The following GRHL1 variants were observed in gnomAD, a reference collection of about 807,000 sequenced individuals.
The protein encoded by GRHL1 is grainyhead like transcription factor 1, also known as grainyhead-like protein 1 homolog.
Under a neutral mutation model 75.7 loss-of-function variants are expected in GRHL1, and 38 were observed. The ratio of observed to expected loss-of-function variants is 0.50; its 90% CI spans 0.39 to 0.66. The LOEUF (loss-of-function observed/expected upper bound fraction) is 0.66, where lower values mean the gene tolerates loss of function less well. Ranked by LOEUF, GRHL1 falls within the 30% of genes least tolerant of loss-of-function variation. The pLI is 0.00. For synonymous variants in GRHL1, 266 were observed against 279.4 expected (o/e 0.95, Z 0.48); for missense variants, 589 against 767.5 (o/e 0.77, Z 2.75).
At chr2:9,970,852 T>C (rs1226218812) in intron 8 of GRHL1, among the ~76,000 whole-genome samples, 24 of 152,240 alleles carry the variant, frequency 1.6e-4, no homozygotes, top group Admixed American at 1.6e-3. Flanking sequence ...AGGCTCATGT[T>C]ACAAAGGAAA....
intron 1 of GRHL1, among the ~76,000 whole-genome samples, chr2:9,953,306 T>C (rs1371644991): frequency 6.6e-6 from 1 of 152,256 alleles, no homozygotes; most frequent in African/African-American, 2.4e-5. Flanking sequence ...TGGAAGTAGC[T>C]ATTACGCTAT....
intron 8 of GRHL1, among the ~76,000 whole-genome samples, chr2:9,973,914 A>G (rs539725795): frequency 1.3e-5 from 2 of 152,340 alleles, no homozygotes; most frequent in African/African-American, 4.8e-5. Flanking sequence ...GACTTATGTG[A>G]AGTCAAACAG....
Position 9,993,254 on chromosome 2 carries a change from ATGTTTTGTTT to A in GRHL1, c.1499+22_1499+31del, listed in dbSNP as rs745630784. The A allele has an allele frequency of 4.7e-5, 76 of 1,606,260 alleles. No individual in the cohort carries two copies. Among genetic ancestry groups the A allele is most frequent in the African/African-American group, 8.0e-5 (6 of 74,760 alleles). ...AATTGGAGGGTGAAGGGTAAGATTT[ATGTTTTGTTT>A]TGTTTTGTTTTAATAATGGAAATGA... On this transcript the variant is annotated intron_variant, in intron 12 of 15. Transcript: ENST00000324907.
intron 8 of GRHL1, among the ~76,000 whole-genome samples, chr2:9,978,239 A>G (rs1668035790): frequency 6.6e-6 from 1 of 152,204 alleles, no homozygotes; most frequent in Admixed American, 6.5e-5. Flanking sequence ...TACTTAGTCC[A>G]ACTTGGTAAG....
chr2:9,953,630 T>C (rs1431463309), intron 1 of GRHL1, among the ~76,000 whole-genome samples: 2 of 152,250 alleles, frequency 1.3e-5, no homozygotes, highest in Admixed American at 6.5e-5. Flanking sequence ...TGAGGATACA[T>C]TGTTGGATTT....
intron 4 of GRHL1, among the ~76,000 whole-genome samples, chr2:9,962,218 C>T (rs1667309026): frequency 6.6e-6 from 1 of 152,138 alleles, no homozygotes; most frequent in African/African-American, 2.4e-5. Flanking sequence ...GTCAGAAGCA[C>T]TTAGTGGGAG....
At position 9,995,917 on chromosome 2, in the gene GRHL1, A is replaced by T; in HGVS notation, c.1538A>T (p.Asp513Val). The part of the protein sequence containing the change: ...LKRGPYGTED[D>V]FAVPPSTKLA... ...AGGGGGCCGTACGGCACAGAAGATGACTTTGCTGTCCCTCCTTCTACCAAG... is the reference window on the plus strand; with the variant it reads ...AGGGGGCCGTACGGCACAGAAGATGTCTTTGCTGTCCCTCCTTCTACCAAG... Residue 513 changes from aspartate to valine, a missense_variant, in exon 13 of 16, where the codon GAC (aspartate) becomes GTC (valine). Asp to Val is a radical substitution (Grantham distance 152). Around this residue, in one of 5 missense-constraint regions of GRHL1, gnomAD observed 192 missense variants for 226.6 expected, o/e 0.85. Coordinates refer to ENST00000324907, the MANE Select transcript of GRHL1 (RefSeq NM_198182.3). 1 of 1,613,186 alleles carries T rather than the reference A, an allele frequency of 6.2e-7. No homozygotes were observed. The highest frequency in any genetic ancestry group is 8.5e-7 in the Non-Finnish European group (1 of 1,179,100).
chr2:9,985,728 A>G (rs1050667266), intron 8 of GRHL1, among the ~76,000 whole-genome samples: 1 of 152,198 alleles, frequency 6.6e-6, no homozygotes. Flanking sequence ...GTCAACGCAA[A>G]TATAGGTGGA....
chr2:9,953,624 G>T (rs1666894251), intron 1 of GRHL1, among the ~76,000 whole-genome samples: 1 of 152,066 alleles, frequency 6.6e-6, no homozygotes, highest in African/African-American at 2.4e-5. Flanking sequence ...TTTGACTGAG[G>T]ATACATTGTT....
intron 8 of GRHL1, among the ~76,000 whole-genome samples, chr2:9,982,573 A>G (rs1668246631): frequency 1.3e-5 from 2 of 152,210 alleles, no homozygotes; most frequent in Admixed American, 6.5e-5. Context: ...TTTAGTGTGC[A>G]TAGAATTAGC....
rs1032082608 is a variant in GRHL1, at chr2:9,992,771, G to T, written c.1462-436G>T. On this transcript the variant is annotated intron_variant, in intron 11 of 15. Transcript: ENST00000324907. The surrounding 1 kb of genome is among the most constrained non-coding windows in gnomAD (Gnocchi z 4.6). ...ACAGATTTATAAGGACTAAAGATTCGTCAGAGTTCTTGGGGCCATGGCCAG... is the reference window on the plus strand; with the variant it reads ...ACAGATTTATAAGGACTAAAGATTCTTCAGAGTTCTTGGGGCCATGGCCAG... Among the ~76,000 whole-genome samples the T allele has an allele frequency of 2.0e-5, 3 of 152,180 alleles. No individual in the cohort carries two copies. The highest frequency in any genetic ancestry group is 4.4e-5 in the Non-Finnish European group (3 of 68,026).
intron 8 of GRHL1, among the ~76,000 whole-genome samples, chr2:9,976,498 C>T (rs1667953147): frequency 6.6e-6 from 1 of 151,956 alleles, no homozygotes; most frequent in Non-Finnish European, 1.5e-5. Context: ...GTTGGAGGTT[C>T]GTTGAGGCTG....
At chr2:9,966,147 C>CA (rs1356546857) in intron 8 of GRHL1, 1 of 152,234 alleles carries the variant, frequency 6.6e-6, no homozygotes, top group Non-Finnish European at 1.5e-5. Context: ...CTTGTAATCC[C>CA]AGCACTTTGG....
In GRHL1 at chr2:9,987,673, G is replaced by A. The variant is rs941259304; in HGVS notation, c.1269+1391G>A. 1.7e-4 allele frequency among the ~76,000 whole-genome samples: 26 copies of A among 152,290 alleles called. 1 individual carries two copies. Among genetic ancestry groups the A allele is most frequent in the Middle Eastern group, 6.8e-3 (2 of 294 alleles). On this transcript the variant is annotated intron_variant, in intron 9 of 15. Coordinates refer to ENST00000324907, the MANE Select transcript of GRHL1 (RefSeq NM_198182.3). This position sits in a 1 kb window ranked among gnomAD's most constrained non-coding sequence, Gnocchi z 4.2. Reference sequence around the variant, plus strand: ...TGGTGTGGCTCTTTTTTTATCTGGAGAAGAGAGGCTTACTTTTGCCCAGTG... The same window carrying A: ...TGGTGTGGCTCTTTTTTTATCTGGAAAAGAGAGGCTTACTTTTGCCCAGTG...
rs150366721 is a variant in GRHL1 at position 9,978,550 on chromosome 2, G to C, written c.1111-7574G>C. Among the ~76,000 whole-genome samples the C allele has an allele frequency of 3.9e-5, 6 of 152,328 alleles. No homozygotes were observed. In the East Asian group the frequency reaches 1.2e-3, roughly 29 times the overall value. ...TTTGGATTCCTGCCTTCACACTGCAGAGAACCATTGAAGGCTATTAGTGGT... is the reference window on the plus strand; with the variant it reads ...TTTGGATTCCTGCCTTCACACTGCACAGAACCATTGAAGGCTATTAGTGGT... On this transcript the variant is annotated intron_variant, in intron 8 of 15. Coordinates refer to ENST00000324907, the MANE Select transcript of GRHL1 (RefSeq NM_198182.3).
intron 8 of GRHL1, among the ~76,000 whole-genome samples, chr2:9,970,537 T>G (rs2116016): frequency 0.64 from 97,360 of 152,128 alleles, 31,890 homozygotes; most frequent in African/African-American, 0.78. Context: ...AGATGGAACT[T>G]CGTCTTTTTC....
chr2:9,982,992 CT>C (rs148265953), intron 8 of GRHL1, among the ~76,000 whole-genome samples: 4,001 of 152,176 alleles, frequency 0.026, 173 homozygotes, highest in African/African-American at 0.091. Context: ...GGTCGCAGTG[CT>C]TAGTTAGGGG....
intron 1 of GRHL1, chr2:9,953,096 A>T (rs528888375): frequency 2.2e-6 from 1 of 456,698 alleles, no homozygotes; most frequent in South Asian, 1.5e-5. Context: ...AGTTTAGATA[A>T]GGCAAATTTT....
chr2:9,996,478 C>T, intron 14 of GRHL1, 77 bp downstream of exon 14: 1 of 987,634 alleles, frequency 1.0e-6, no homozygotes, highest in South Asian at 1.3e-5. Context: ...AACACTTTAT[C>T]AGATGATCCA....
Sources: allele counts gnomAD v4.1 joint callset (sites outside exome capture counted in the v4.1 genomes callset), GRCh38; gene constraint gnomAD v4.1.1; regional missense constraint gnomAD v4.1.1; non-coding constraint Gnocchi (gnomAD v3.1); transcripts MANE v1.5; gene names NCBI Gene and HGNC (gene_info 2026-07-23, HGNC 2026-07-21).